The following AGAP1 variants were observed in gnomAD, a reference collection of about 807,000 sequenced individuals.
AGAP1 encodes ArfGAP with GTPase domain, ankyrin repeat and PH domain 1, also known as arf-GAP with GTPase, ANK repeat and PH domain-containing protein 1.
In AGAP1, 29 loss-of-function variants were observed where a neutral mutation model predicts 105.3. The ratio of observed to expected loss-of-function variants is 0.28; its 90% CI spans 0.21 to 0.38. The LOEUF is 0.38. AGAP1 is among the 10% of genes least tolerant of loss of function. The pLI is 1.00. For synonymous variants in AGAP1, 509 were observed against 485.9 expected (o/e 1.05, Z -0.63); for missense variants, 998 against 1,165.1 (o/e 0.86, Z 2.09).
At chr2:235,595,192 G>C (rs566816307) in intron 1 of AGAP1, among the ~76,000 whole-genome samples, 2 of 152,200 alleles carry the variant, frequency 1.3e-5, no homozygotes, top group Non-Finnish European at 2.9e-5. Flanking sequence ...TCCAGGGGAA[G>C]GGGAGGAAAA....
chr2:235,547,220 A>G (rs1354423675), intron 1 of AGAP1, among the ~76,000 whole-genome samples: 2 of 152,166 alleles, frequency 1.3e-5, no homozygotes, highest in East Asian at 3.9e-4. Flanking sequence ...CCACGTCCAG[A>G]GTTACACACT....
chr2:235,834,059 C>T (rs1485432021), intron 9 of AGAP1, among the ~76,000 whole-genome samples: 1 of 151,962 alleles, frequency 6.6e-6, no homozygotes, highest in Non-Finnish European at 1.5e-5. Context: ...GCCAGTCTGG[C>T]GAAATCCAGT....
intron 13 of AGAP1, among the ~76,000 whole-genome samples, chr2:235,990,451 G>A (rs992179226): frequency 2.6e-5 from 4 of 152,194 alleles, no homozygotes; most frequent in Non-Finnish European, 4.4e-5. Flanking sequence ...GCAACATCCC[G>A]AATCCCAGTC....
rs149536263 is a variant in AGAP1 at position 235,813,285 on chromosome 2, T to C, written c.1050+5954T>C. ...CAAAGCACAAAATCCATCATTTATA[T>C]GCAAATCTGCAAAGCAATCGAAAAG... On this transcript the variant is annotated intron_variant, in intron 9 of 17. Coordinates refer to ENST00000304032, the MANE Select transcript of AGAP1 (RefSeq NM_001037131.3). Among the ~76,000 whole-genome samples, 436 of 152,378 alleles carry C rather than the reference T, an allele frequency of 2.9e-3. 2 individuals are homozygous for C. Among genetic ancestry groups the C allele is most frequent in the East Asian group, 0.02 (103 of 5,186 alleles).
chr2:235,621,273 C>T lies in AGAP1; in HGVS notation c.164-87906C>T, dbSNP rs113414779. Among the ~76,000 whole-genome samples, 272 of 152,274 alleles carry T rather than the reference C, an allele frequency of 1.8e-3. No individual in the cohort carries two copies. The highest frequency in any genetic ancestry group is 2.7e-3 in the Non-Finnish European group (181 of 68,012). On this transcript the variant is annotated intron_variant, in intron 1 of 17. Coordinates refer to ENST00000304032, the MANE Select transcript of AGAP1 (RefSeq NM_001037131.3). The surrounding 1 kb of genome is among the most constrained non-coding windows in gnomAD (Gnocchi z 4.1). ...CTGACCTCTGGTGATCCGCCCACCT[C>T]GGCCTCCCAAAGTGCTAGGATTACA...
chr2:235,923,283 G>C (rs376723240), intron 11 of AGAP1, among the ~76,000 whole-genome samples: 3 of 152,190 alleles, frequency 2.0e-5, no homozygotes, highest in Admixed American at 6.5e-5. Context: ...TGCTGGTACA[G>C]CTGTTTCCTT....
chr2:235,821,701 T>C (rs1455520672), intron 9 of AGAP1, among the ~76,000 whole-genome samples: 1 of 152,196 alleles, frequency 6.6e-6, no homozygotes, highest in African/African-American at 2.4e-5. Context: ...AAGGTACTAG[T>C]AACTTATCTA....
chr2:235,968,225 A>T (rs1186845729), intron 12 of AGAP1, among the ~76,000 whole-genome samples: 1 of 152,200 alleles, frequency 6.6e-6, no homozygotes, highest in African/African-American at 2.4e-5. Context: ...CATGCTGCTG[A>T]TAGAAAAAGA....
intron 1 of AGAP1, among the ~76,000 whole-genome samples, chr2:235,544,763 G>C (rs1187812415): frequency 6.6e-6 from 1 of 152,116 alleles, no homozygotes; most frequent in Non-Finnish European, 1.5e-5. Flanking sequence ...TGTCAAACTC[G>C]AATTTCCAGT....
rs1406556701 is a variant in AGAP1 at position 235,655,671 on chromosome 2, C to T, written c.164-53508C>T. On this transcript the variant is annotated intron_variant, in intron 1 of 17. Coordinates refer to ENST00000304032, the MANE Select transcript of AGAP1 (RefSeq NM_001037131.3). The surrounding 1 kb of genome is among the most constrained non-coding windows in gnomAD (Gnocchi z 4.3). ...GGCCAAGCAGTTAACTGCGTTCCAG[C>T]GAAGCAGGTGCCCCGTGTGTTGCTC... 4.6e-5 allele frequency among the ~76,000 whole-genome samples: 7 copies of T among 152,202 alleles called. No homozygotes were observed. The highest frequency in any genetic ancestry group is 2.0e-4 in the Admixed American group (3 of 15,286).
rs941370932 is a variant in AGAP1 at position 235,866,140 on chromosome 2, A to G, written c.1051-17205A>G. Among the ~76,000 whole-genome samples the G allele has an allele frequency of 2.6e-5, 4 of 152,164 alleles. No individual in the cohort carries two copies. The highest frequency in any genetic ancestry group is 6.5e-5 in the Admixed American group (1 of 15,288). On this transcript the variant is annotated intron_variant, in intron 9 of 17. Transcript: ENST00000304032. The surrounding 1 kb of genome is among the most constrained non-coding windows in gnomAD (Gnocchi z 6.1). The stretch of plus-strand genomic sequence containing the variant: ...TGTTTTAGTTAGGCAGCAGCATGCG[A>G]TGCCCTGTGCGCATCTTTATTTTTG...
intron 15 of AGAP1, among the ~76,000 whole-genome samples, chr2:236,047,707 C>T (rs2057765324): frequency 1.4e-5 from 2 of 140,088 alleles, no homozygotes. Context: ...TCAAGCGATT[C>T]TCCAGCCTCA....
At chr2:235,531,181 C>T (rs1943032843) in intron 1 of AGAP1, among the ~76,000 whole-genome samples, 1 of 152,226 alleles carries the variant, frequency 6.6e-6, no homozygotes, top group South Asian at 2.1e-4. Flanking sequence ...AGTGATACCT[C>T]TGGGCTCTTG....
chr2:235,852,983 A>G (rs1454497515), intron 9 of AGAP1: 2 of 1,251,490 alleles, frequency 1.6e-6, no homozygotes, highest in Non-Finnish European at 2.0e-6. Flanking sequence ...CAGGAGGGAG[A>G]GCTGGAGAAA....
At chr2:235,765,513 T>G (rs577701047) in intron 6 of AGAP1, among the ~76,000 whole-genome samples, 7 of 152,178 alleles carry the variant, frequency 4.6e-5, no homozygotes, top group Non-Finnish European at 1.0e-4. Flanking sequence ...GTTTGGGGGC[T>G]CATCGGCTCA....
chr2:236,130,358 C>T lies in AGAP1; in HGVS notation c.*6236C>T, dbSNP rs1035998743. 5.3e-5 allele frequency: 8 copies of T among 151,778 alleles called. No individual in the cohort carries two copies. Among genetic ancestry groups the T allele is most frequent in the African/African-American group, 1.2e-4 (5 of 41,276 alleles). 9.4% of individuals were successfully genotyped at this position (151,778 alleles called of 1,614,324 possible). A position where few individuals can be genotyped will look rare whatever the true frequency, so the allele number is the denominator to read the frequency against. On this transcript the variant is annotated 3_prime_UTR_variant, in exon 18 of 18. Coordinates refer to ENST00000304032, the MANE Select transcript of AGAP1 (RefSeq NM_001037131.3). This position sits in a 1 kb window ranked among gnomAD's most constrained non-coding sequence, Gnocchi z 5.8. ...CACATCGGACTGATCTAGAATGCCC[C>T]GTGGGGGGATTGCATGGCCTTTGCC...
chr2:235,571,570 A>G (rs1944515672), intron 1 of AGAP1, among the ~76,000 whole-genome samples: 1 of 152,160 alleles, frequency 6.6e-6, no homozygotes, highest in Non-Finnish European at 1.5e-5. Context: ...TTAACCACCT[A>G]CACTTCCTTT....
intron 4 of AGAP1, among the ~76,000 whole-genome samples, chr2:235,742,363 A>G (rs375638071): frequency 6.6e-6 from 1 of 152,226 alleles, no homozygotes; most frequent in African/African-American, 2.4e-5. Flanking sequence ...GATGCTGCCA[A>G]TTAAACTATG....
chr2:235,647,971 G>A (rs1311211908), intron 1 of AGAP1, among the ~76,000 whole-genome samples: 3 of 152,150 alleles, frequency 2.0e-5, no homozygotes, highest in Non-Finnish European at 4.4e-5. Flanking sequence ...CAGAAAGAGA[G>A]CTCAGGAGTA....
Sources: allele counts gnomAD v4.1 joint callset (sites outside exome capture counted in the v4.1 genomes callset), GRCh38; gene constraint gnomAD v4.1.1; non-coding constraint Gnocchi (gnomAD v3.1); transcripts MANE v1.5; gene names NCBI Gene and HGNC (gene_info 2026-07-23, HGNC 2026-07-21).